Variants in ANKAR observed in about 807,000 individuals in gnomAD.
ANKAR encodes the protein ankyrin and armadillo repeat containing.
Under a neutral mutation model 146.2 loss-of-function variants are expected in ANKAR, and 136 were observed. That is an observed-to-expected ratio of 0.93 (90% CI 0.81 to 1.07). ANKAR has a LOEUF of 1.07. ANKAR is among the 50% of genes least tolerant of loss of function. The pLI, the probability that ANKAR is intolerant of heterozygous loss-of-function variation, is 0.00. For missense variants in ANKAR, 1,567 were observed against 1,679.9 expected (o/e 0.93, Z 1.18); for synonymous variants, 500 against 575.8 (o/e 0.87, Z 1.88).
At chr2:189,685,245 T>TC (rs1353111472) in intron 2 of ANKAR, among the ~76,000 whole-genome samples, 1 of 152,048 alleles carries the variant, frequency 6.6e-6, no homozygotes, top group African/African-American at 2.4e-5. Context: ...ACTTTCTTTT[T>TC]CTTTTTTTTT....
At chr2:189,713,000 G>A (rs2039918285) in intron 10 of ANKAR, among the ~76,000 whole-genome samples, 1 of 152,096 alleles carries the variant, frequency 6.6e-6, no homozygotes, top group African/African-American at 2.4e-5. Context: ...TAGCCGATTC[G>A]ATCAAGTGGA....
At chr2:189,698,411 T>A (rs1453281171) in intron 7 of ANKAR, among the ~76,000 whole-genome samples, 1 of 151,976 alleles carries the variant, frequency 6.6e-6, no homozygotes, top group Admixed American at 6.6e-5. Flanking sequence ...TATTATAATA[T>A]AAATTAGATA....
intron 20 of ANKAR, among the ~76,000 whole-genome samples, chr2:189,743,051 A>G (rs10497706): frequency 6.6e-6 from 1 of 150,986 alleles, no homozygotes; most frequent in South Asian, 2.1e-4. Flanking sequence ...TCTAAAATGC[A>G]GTTAAGACTG....
chr2:189,715,104 G>T (rs1461337939), intron 10 of ANKAR, among the ~76,000 whole-genome samples: 4 of 152,052 alleles, frequency 2.6e-5, no homozygotes, highest in African/African-American at 9.7e-5. Flanking sequence ...CAGAACTGAA[G>T]GAGATAGAGA....
At chr2:189,705,422 C>T (rs1204979596) in intron 8 of ANKAR, among the ~76,000 whole-genome samples, 198 bp downstream of exon 8, 2 of 152,362 alleles carry the variant, frequency 1.3e-5, no homozygotes, top group Admixed American at 6.5e-5. Flanking sequence ...CTCACTGTCT[C>T]GTCCTAACCA....
chr2:189,737,158 A>C (rs1207039947), intron 17 of ANKAR, among the ~76,000 whole-genome samples: 1 of 151,540 alleles, frequency 6.6e-6, no homozygotes, highest in African/African-American at 2.4e-5. Flanking sequence ...TTGTTCAAAT[A>C]ACATACTAAT....
chr2:189,720,878 C>A, intron 12 of ANKAR, 91 bp downstream of exon 12: 1 of 1,054,904 alleles, frequency 9.5e-7, no homozygotes, highest in Non-Finnish European at 1.3e-6. Context: ...GAATAGATGT[C>A]CCGAATCTGT....
At chr2:189,683,828 G>T (rs924289769) in intron 2 of ANKAR, among the ~76,000 whole-genome samples, 1 of 152,234 alleles carries the variant, frequency 6.6e-6, no homozygotes, top group Non-Finnish European at 1.5e-5. Flanking sequence ...GATTTCCAAG[G>T]AATTGTGCAG....
At chr2:189,747,710 C>T (rs565300478), downstream of ANKAR, among the ~76,000 whole-genome samples, 2 of 151,874 alleles carry the variant, frequency 1.3e-5, no homozygotes, top group South Asian at 4.2e-4. Context: ...TTTATTTATT[C>T]GAGATGGAGT....
Position 189,728,816 on chromosome 2 carries a change from G to T in ANKAR, c.3188G>T (p.Cys1063Phe), listed in dbSNP as rs2042127874. The change falls in exon 15 of 23, where the codon TGT becomes TTT. Residue 1063 changes from cysteine to phenylalanine, a missense_variant. Coordinates refer to ENST00000684021, the MANE Select transcript of ANKAR (RefSeq NM_001378068.1). ...LSVIRAVGSI[C>F]IGVAHTSNPV... The stretch of plus-strand genomic sequence containing the variant: ...GTCATCAGAGCAGTGGGATCCATTT[G>T]TATTGGTTTGTATACTTATTCTCAA... The T allele has an allele frequency of 6.2e-7, 1 of 1,611,654 alleles. No individual in the cohort carries two copies. The highest frequency in any genetic ancestry group is 2.2e-5 in the East Asian group (1 of 44,856).
chr2:189,675,150 T>G (rs2033331498), intron 1 of ANKAR, among the ~76,000 whole-genome samples: 2 of 151,866 alleles, frequency 1.3e-5, no homozygotes, highest in Admixed American at 1.3e-4. Context: ...AGTGGTGGGA[T>G]TCAGCGATTT....
chr2:189,714,968 G>A (rs56680321), intron 10 of ANKAR, among the ~76,000 whole-genome samples: 60,159 of 95,740 alleles, frequency 0.63, 19,970 homozygotes, highest in Non-Finnish European at 0.75. Context: ...AAAAAAAAAA[G>A]AGAGAGAGAG....
chr2:189,735,321 T>A (rs2042751185), intron 17 of ANKAR, among the ~76,000 whole-genome samples: 1 of 152,196 alleles, frequency 6.6e-6, no homozygotes, highest in South Asian at 2.1e-4. Context: ...ACTAGAAGGT[T>A]TAACCAAAGG....
At chr2:189,740,546 T>C (rs2043228709) in intron 19 of ANKAR, among the ~76,000 whole-genome samples, 1 of 152,184 alleles carries the variant, frequency 6.6e-6, no homozygotes, top group South Asian at 2.1e-4. Context: ...CATTTAATTA[T>C]TGGGACACTT....
downstream of ANKAR, among the ~76,000 whole-genome samples, chr2:189,750,955 C>G (rs768650989): frequency 3.3e-5 from 5 of 152,092 alleles, no homozygotes; most frequent in Non-Finnish European, 7.4e-5. Flanking sequence ...TGAAAAATAT[C>G]TTATAATTCT....
chr2:189,744,853 C>A, intron 22 of ANKAR, 65 bp downstream of exon 22: 1 of 1,310,440 alleles, frequency 7.6e-7, no homozygotes, highest in South Asian at 1.2e-5. Context: ...TTCTGTATTC[C>A]ATCTCTAAAA....
chr2:189,752,224 G>T (rs2105979462), intron 18 of ANKAR, among the ~76,000 whole-genome samples: 1 of 152,280 alleles, frequency 6.6e-6, no homozygotes, highest in South Asian at 2.1e-4. Context: ...GCAGGAAACA[G>T]CTATCTTTCG....
chr2:189,698,707 T>C (rs1179105944), intron 7 of ANKAR, among the ~76,000 whole-genome samples: 1 of 152,278 alleles, frequency 6.6e-6, no homozygotes, highest in East Asian at 1.9e-4. Flanking sequence ...ACAGCAAACC[T>C]GAGATGACCT....
At chr2:189,749,779 A>C (rs2044831687), downstream of ANKAR, among the ~76,000 whole-genome samples, 1 of 152,226 alleles carries the variant, frequency 6.6e-6, no homozygotes, top group South Asian at 2.1e-4. Context: ...ATAACATATT[A>C]TGTTAGAGAA....
Sources: allele counts gnomAD v4.1 joint callset (sites outside exome capture counted in the v4.1 genomes callset), GRCh38; gene constraint gnomAD v4.1.1; transcripts MANE v1.5; gene names NCBI Gene and HGNC (gene_info 2026-07-23, HGNC 2026-07-21).